Variants in ASB9 observed in about 807,000 individuals in gnomAD.
The protein encoded by ASB9 is ankyrin repeat and SOCS box containing 9.
Under a neutral mutation model 16.6 loss-of-function variants are expected in ASB9, and 5 were observed. The ratio of observed to expected loss-of-function variants is 0.30; its 90% CI spans 0.16 to 0.63. ASB9 has a LOEUF of 0.63. ASB9 is among the 30% of genes least tolerant of loss of function. The pLI is 0.82. For missense variants in ASB9, 216 were observed against 229.4 expected (o/e 0.94, Z 0.38); for synonymous variants, 100 against 86.4 (o/e 1.16, Z -0.87).
chrX:15,244,684 C>CA, intron 6 of ASB9, 54 bp from the exon 7 acceptor site: 1 of 915,496 alleles, frequency 1.1e-6, no homozygotes, highest in Non-Finnish European at 1.4e-6. Context: ...TCTAAGACTC[C>CA]TTTTTTTTAA....
chrX:15,269,641 T>C (rs141497650), intron 1 of ASB9, 140 bp downstream of exon 1: 5 of 377,879 alleles, frequency 1.3e-5, no homozygotes, highest in Non-Finnish European at 2.3e-5. Flanking sequence ...GTAAAGAATA[T>C]ATACCAGTGA....
rs1189225820 is a variant in ASB9 at position 15,248,786 on chromosome X, G to A, written c.718C>T (p.Pro240Ser). The stretch of plus-strand genomic sequence containing the variant: ...AGCTGGGCCAAGGGGCTCTCTGGAG[G>A]CACCAGCTCCACAGGACGTTTGCCT... ...AEGKRPVELV[P>S]PESPLAQLFL... Residue 240 changes from proline (P) to serine (S), a missense_variant, in exon 6 of 7, where the codon CCT becomes TCT. Transcript: ENST00000380488. The A allele has an allele frequency of 1.7e-6, 2 of 1,210,979 alleles. No individual in the cohort carries two copies. Among genetic ancestry groups the A allele is most frequent in the South Asian group, 3.5e-5 (2 of 56,788 alleles).
intron 3 of ASB9, among the ~76,000 whole-genome samples, chrX:15,253,062 G>A (rs1369433541): frequency 9.2e-6 from 1 of 108,376 alleles, no homozygotes; most frequent in Non-Finnish European, 1.9e-5. Context: ...GGTGAAACCC[G>A]GTCTCTACTA....
intron 6 of ASB9, among the ~76,000 whole-genome samples, chrX:15,245,592 T>A (rs1215006050): frequency 9.0e-6 from 1 of 111,612 alleles, no homozygotes; most frequent in Non-Finnish European, 1.9e-5. Context: ...TCAATCCAGG[T>A]AGCACTTCAG....
Position 15,250,451 on chromosome X carries a change from C to G in ASB9, c.547G>C (p.Val183Leu). 4.1e-6 allele frequency: 5 copies of G among 1,210,878 alleles called. No individual in the cohort carries two copies. The South Asian group carries it at 8.8e-5, about 21-fold the overall frequency. The change falls in exon 5 of 7, where the codon GTC becomes CTC. Residue 183 changes from valine (V) to leucine (L), a missense_variant. Physicochemically the swap from Val to Leu is conservative, Grantham distance 32. Transcript: ENST00000380488. ...LACENQQRAC[V>L]KKLLESGADV... ...TTACCTGACTCCAGAAGCTTCTTGA[C>G]ACAGGCTCTCTGTTGGTTTTCACAA...
rs755653116 is a variant in ASB9, at chrX:15,258,952, G to A, written c.95-7C>T. The stretch of plus-strand genomic sequence containing the variant: ...GACCAATCAGACACAGCATCTGTAT[G>A]GAAAGAGGGGAATGGGTTATATCCT... On this transcript the variant is annotated splice_polypyrimidine_tract_variant and splice_region_variant and intron_variant, in intron 1 of 6. Coordinates refer to ENST00000380488, the MANE Select transcript of ASB9 (RefSeq NM_001031739.3). 8.4e-7 allele frequency: 1 copy of A among 1,185,143 alleles called. No homozygotes were observed. Among genetic ancestry groups the A allele is most frequent in the Admixed American group, 2.2e-5 (1 of 45,949 alleles).
At chrX:15,269,232 G>A (rs1358621793) in intron 1 of ASB9, among the ~76,000 whole-genome samples, 6 of 111,930 alleles carry the variant, frequency 5.4e-5, no homozygotes, top group Non-Finnish European at 1.1e-4. Context: ...AATGCTCACC[G>A]AAGTGTGTAT....
intron 2 of ASB9, among the ~76,000 whole-genome samples, chrX:15,257,302 G>A (rs1364402873): frequency 3.0e-4 from 33 of 110,570 alleles, no homozygotes; most frequent in Non-Finnish European, 9.5e-5. Flanking sequence ...CCAGCTACTC[G>A]GGAGGCTGAG....
At chrX:15,266,789 A>G (rs922550994) in intron 1 of ASB9, among the ~76,000 whole-genome samples, 1 of 110,105 alleles carries the variant, frequency 9.1e-6, no homozygotes, top group Admixed American at 9.6e-5. Flanking sequence ...ACAAAAAATT[A>G]GCCGGGCGTG....
chrX:15,266,797 G>A (rs868078283), intron 1 of ASB9, among the ~76,000 whole-genome samples: 5 of 109,396 alleles, frequency 4.6e-5, no homozygotes, highest in Admixed American at 1.9e-4. Context: ...TTAGCCGGGC[G>A]TGGTGGCGGG....
chrX:15,253,693 TCAGA>T (rs1413692449), intron 3 of ASB9, among the ~76,000 whole-genome samples: 1 of 112,323 alleles, frequency 8.9e-6, no homozygotes, highest in Admixed American at 9.4e-5. Context: ...ATGTTGGAAA[TCAGA>T]CAGAAATTTC....
intron 1 of ASB9, among the ~76,000 whole-genome samples, chrX:15,260,593 G>C (rs186382112): frequency 1.8e-5 from 2 of 111,224 alleles, no homozygotes; most frequent in Admixed American, 1.9e-4. Context: ...GAAATGTGAG[G>C]GAGGCGTGCC....
At chrX:15,250,692 A>C in intron 4 of ASB9, 128 bp from the exon 5 acceptor site, 2 of 545,169 alleles carry the variant, frequency 3.7e-6, no homozygotes, top group Non-Finnish European at 2.9e-6. Context: ...TATTTCCTTC[A>C]ATTAGAATCA....
At position 15,258,884 on chromosome X, in the gene ASB9, C is replaced by T; in HGVS notation, c.156G>A (p.Leu52=). Residue 52 remains leucine, a synonymous_variant, in exon 2 of 7, where the codon CTG becomes CTA. Transcript: ENST00000380488. ...EAAIHGHQLS[L]RNLISQGWAV... ...AAGCTACCTGGCTGATGAGGTTCCT[C>T]AGAGACAGCTGATGTCCGTGGATTG... The T allele has an allele frequency of 3.3e-6, 4 of 1,210,741 alleles. No individual in the cohort carries two copies. The highest frequency in any genetic ancestry group is 4.5e-6 in the Non-Finnish European group (4 of 894,489).
Position 15,267,898 on chromosome X carries a change from G to C in ASB9, c.94+1883C>G, listed in dbSNP as rs892654195. Among the ~76,000 whole-genome samples, 83 of 110,890 alleles carry C rather than the reference G, an allele frequency of 7.5e-4. 2 individuals carry two copies. The highest frequency in any genetic ancestry group is 2.8e-4 in the Non-Finnish European group (15 of 53,005). On this transcript the variant is annotated intron_variant, in intron 1 of 6. Transcript: ENST00000380488. ...GGATCTAAATCCCACTCACCATTGA[G>C]TACTCTGCTCATTTTATAAGTGAAA...
chrX:15,263,630 C>A (rs1028904985), intron 1 of ASB9, among the ~76,000 whole-genome samples: 1 of 109,117 alleles, frequency 9.2e-6, no homozygotes, highest in African/African-American at 3.3e-5. Flanking sequence ...CTGCCTTCTC[C>A]AAAGGGCCCT....
chrX:15,254,023 C>A (rs1232537415), intron 3 of ASB9, among the ~76,000 whole-genome samples: 1 of 111,726 alleles, frequency 9.0e-6, no homozygotes, highest in Non-Finnish European at 1.9e-5. Flanking sequence ...CACCTTGACA[C>A]GTTCCCTGTT....
chrX:15,263,889 G>C, intron 1 of ASB9, among the ~76,000 whole-genome samples: 1 of 111,708 alleles, frequency 9.0e-6, no homozygotes, highest in East Asian at 2.8e-4. Context: ...CTAACACTGG[G>C]AACAGTGATT....
chrX:15,270,222 G>C (rs1926875681), upstream of ASB9: 1 of 158,473 alleles, frequency 6.3e-6, no homozygotes, highest in Non-Finnish European at 1.2e-5. Context: ...AATCAGTGAG[G>C]AAGCCTTGGA....
Sources: allele counts gnomAD v4.1 joint callset (sites outside exome capture counted in the v4.1 genomes callset), GRCh38; gene constraint gnomAD v4.1.1; transcripts MANE v1.5; gene names NCBI Gene and HGNC (gene_info 2026-07-23, HGNC 2026-07-21).